The following BTD variants were observed in gnomAD, a reference collection of about 807,000 sequenced individuals.
The protein encoded by BTD is biotinidase, also known as biocytinase.
BTD carries 13 observed loss-of-function variants against 17.7 expected under a neutral mutation model. The ratio of observed to expected loss-of-function variants is 0.74; its 90% CI spans 0.48 to 1.17. BTD has a LOEUF of 1.17. Among genes scored for constraint, BTD ranks in the 50% most tolerant of loss-of-function variants. The pLI is 0.00. For missense variants in BTD, 674 were observed against 650.4 expected (o/e 1.04, Z -0.39); for synonymous variants, 240 against 245.2 (o/e 0.98, Z 0.20).
chr3:15,622,545 T>C (rs1380994571), intron 1 of BTD, among the ~76,000 whole-genome samples: 4 of 152,234 alleles, frequency 2.6e-5, no homozygotes, highest in Non-Finnish European at 5.9e-5. Flanking sequence ...TGAAGTAGTC[T>C]ATAGATGTCC....
chr3:15,708,112 C>T, intron 3 of BTD: 1 of 1,552,266 alleles, frequency 6.4e-7, no homozygotes, highest in Non-Finnish European at 8.7e-7. Flanking sequence ...AGAGACATAA[C>T]TAGTAAACAA....
intron 1 of BTD, among the ~76,000 whole-genome samples, chr3:15,620,096 C>G (rs1336211237): frequency 1.3e-5 from 2 of 152,156 alleles, no homozygotes; most frequent in Non-Finnish European, 2.9e-5. Flanking sequence ...AAAAGCAGAA[C>G]CACTGATAAT....
chr3:15,670,243 T>C (rs778977082), intron 3 of BTD: 7 of 1,604,750 alleles, frequency 4.4e-6, no homozygotes, highest in Middle Eastern at 3.3e-4. Flanking sequence ...GAAGCTTTAC[T>C]GTGAGAACTC....
intron 1 of BTD, among the ~76,000 whole-genome samples, chr3:15,605,358 G>C (rs753172667): frequency 6.6e-6 from 1 of 152,026 alleles, no homozygotes; most frequent in Non-Finnish European, 1.5e-5. Context: ...CACAAGAACA[G>C]CATGGGAAAA....
chr3:15,711,989 C>G, exon 4 of BTD: 1 of 642,710 alleles, frequency 1.6e-6, no homozygotes, highest in East Asian at 2.8e-5. Context: ...AGCCACCACG[C>G]CAGACCTGAA....
chr3:15,629,519 C>T (rs9310479), intron 1 of BTD, among the ~76,000 whole-genome samples: 21,746 of 152,038 alleles, frequency 0.14, 1,986 homozygotes, highest in East Asian at 0.34. Context: ...GAAGACTCCA[C>T]GGTGGTTGTT....
intron 3 of BTD, among the ~76,000 whole-genome samples, chr3:15,674,198 A>AAAAAAAAAAAAAAAC (rs2066693484): frequency 6.7e-6 from 1 of 149,928 alleles, no homozygotes; most frequent in Non-Finnish European, 1.5e-5. Flanking sequence ...AAAAAAAAAA[A>AAAAAAAAAAAAAAAC]GAAGAAGAAC....
At chr3:15,656,013 G>T (rs772763268), downstream of BTD, among the ~76,000 whole-genome samples, 44 of 152,092 alleles carry the variant, frequency 2.9e-4, no homozygotes, top group Non-Finnish European at 2.8e-4. Context: ...ATGTTGGCCA[G>T]GCTGGTCTCA....
intron 3 of BTD, chr3:15,642,334 G>T: frequency 7.9e-7 from 1 of 1,269,026 alleles, no homozygotes; most frequent in Non-Finnish European, 1.0e-6. Flanking sequence ...AAAAAGAAAA[G>T]TTCATCTTCA....
chr3:15,671,586 TTTG>T lies in BTD; in HGVS notation c.399+29532_399+29534del, dbSNP rs1404623146. Among the ~76,000 whole-genome samples, 270 of 150,816 alleles carry T rather than the reference TTTG, an allele frequency of 1.8e-3. 4 individuals are homozygous for T. Among genetic ancestry groups the T allele is most frequent in the African/African-American group, 6.0e-3 (245 of 40,702 alleles). On this transcript the variant is annotated intron_variant, in intron 3 of 3. Coordinates refer to the BTD transcript ENST00000672141. ...GAGTCATAAACACTATAGTTTTTTT[TTTG>T]TTTTTTTTTTTTTGAGACAGAGTCT... is the stretch of plus-strand genomic sequence containing the variant.
At chr3:15,637,759 C>T (rs554638866) in intron 2 of BTD, among the ~76,000 whole-genome samples, 1 of 152,340 alleles carries the variant, frequency 6.6e-6, no homozygotes, top group African/African-American at 2.4e-5. Context: ...TTGCTTCCCT[C>T]CCCTATCCAC....
downstream of BTD, chr3:15,714,559 A>G (rs375383641): frequency 2.9e-4 from 456 of 1,557,022 alleles, no homozygotes; most frequent in Non-Finnish European, 3.7e-4. Flanking sequence ...CCCAAAAAAA[A>G]AACAGAAATA....
chr3:15,695,425 G>A (rs758502803), intron 3 of BTD, among the ~76,000 whole-genome samples: 2 of 152,020 alleles, frequency 1.3e-5, no homozygotes, highest in Admixed American at 6.6e-5. Context: ...TATCCATAAC[G>A]TAGGAAAATA....
At chr3:15,682,276 C>A (rs1575121957) in intron 3 of BTD, among the ~76,000 whole-genome samples, 1 of 152,176 alleles carries the variant, frequency 6.6e-6, no homozygotes, top group African/African-American at 2.4e-5. Context: ...TTCTCAATTA[C>A]AATTTCTAAT....
At chr3:15,670,218 G>GA in intron 3 of BTD, 1 of 1,567,694 alleles carries the variant, frequency 6.4e-7, no homozygotes. Flanking sequence ...CCTTTTTCCT[G>GA]AAAAAGCACA....
downstream of BTD, chr3:15,713,503 A>T (rs2072596241): frequency 6.3e-7 from 1 of 1,585,202 alleles, no homozygotes; most frequent in South Asian, 1.1e-5. Flanking sequence ...TGTATCAGTT[A>T]TCAACACCTC....
rs918123992 is a variant in BTD, at chr3:15,670,498, G to A, written c.399+28441G>A. On this transcript the variant is annotated intron_variant, in intron 3 of 3. Transcript: ENST00000672141. ...AGACAGGCATCATGGTGGCCAAAAT[G>A]AGAGCCAGGCAATCAGCCACATCCT... 1.1e-5 allele frequency: 17 copies of A among 1,613,880 alleles called. No individual in the cohort carries two copies. The Admixed American group carries it at 2.3e-4, about 22-fold the overall frequency.
rs200507575 is a variant in BTD, at chr3:15,645,216, T to G, written c.1300T>G (p.Tyr434Asp). ...GCTTCACACAGTACATGGCACTTAC[T>G]ACATCCAAGTGTGTGCCCTGGTCAG... ...DGLHTVHGTY[Y>D]IQVCALVRCG... Residue 434 changes from tyrosine to aspartate, a missense_variant, in exon 4 of 4, where the codon TAC becomes GAC. Physicochemically the swap from Tyr to Asp is radical, Grantham distance 160. Transcript: ENST00000643237. 6.2e-7 allele frequency: 1 copy of G among 1,614,204 alleles called. No homozygotes were observed. Among genetic ancestry groups the G allele is most frequent in the East Asian group, 2.2e-5 (1 of 44,886 alleles).
chr3:15,629,922 A>G (rs2065162154), intron 1 of BTD: 1 of 457,620 alleles, frequency 2.2e-6, no homozygotes, highest in East Asian at 1.6e-4. Context: ...AAGATAAAAA[A>G]ATAATAATAA....
Sources: gnomAD v4.1 joint callset for allele counts (sites outside exome capture counted in the v4.1 genomes callset) on GRCh38, gnomAD v4.1.1 for gene constraint, MANE v1.5 for transcripts, NCBI Gene and HGNC (gene_info 2026-07-23, HGNC 2026-07-21) for gene names.